The following MYRF variants were observed in gnomAD, a reference collection of about 807,000 sequenced individuals.
MYRF encodes myelin regulatory factor.
MYRF carries 16 observed loss-of-function variants against 126.3 expected under a neutral mutation model. The ratio of observed to expected loss-of-function variants is 0.13; its 90% CI spans 0.09 to 0.19. The LOEUF (loss-of-function observed/expected upper bound fraction) is 0.19. Ranked by LOEUF, MYRF falls within the 10% of genes least tolerant of loss-of-function variation. The pLI is 1.00. For synonymous variants in MYRF, 608 were observed against 635.3 expected (o/e 0.96, Z 0.65); for missense variants, 1,104 against 1,547.0 (o/e 0.71, Z 4.80).
At chr11:61,771,775 G>A (rs776195112) in intron 6 of MYRF, 25 bp downstream of exon 6, 1 of 1,612,974 alleles carries the variant, frequency 6.2e-7, no homozygotes, top group Non-Finnish European at 8.5e-7. Context: ...AACTCTTCAA[G>A]GTGGGGTGTG....
rs576057213 is a variant in MYRF, at chr11:61,771,665, G to A, written c.906G>A (p.Pro302=). ...APSPPWPPQG[P]LSPGPGSLPL... is the part of the protein sequence containing the mutation. ...CGCCACCCTGGCCTCCCCAGGGTCC[G>A]CTCTCCCCGGGCCCTGGTTCCTTGC... Residue 302 remains proline (P), a synonymous_variant, in exon 6 of 27, where the codon CCG becomes CCA. Transcript: ENST00000278836. 9.3e-6 allele frequency: 15 copies of A among 1,613,802 alleles called. No homozygotes were observed. The highest frequency in any genetic ancestry group is 3.3e-4 in the Middle Eastern group (2 of 6,062).
At position 61,786,383 on chromosome 11, in the gene MYRF, C is replaced by T. The variant is rs1420774205; in HGVS notation, c.*240C>T. ...TTCTTGGGCCTTCCTGCCTGCCACC[C>T]CCTAGGGGCCAGGACAGGACCAGTT... On this transcript the variant is annotated 3_prime_UTR_variant, in exon 27 of 27. Coordinates refer to ENST00000278836, the MANE Select transcript of MYRF (RefSeq NM_001127392.3). This position sits in a 1 kb window ranked among gnomAD's most constrained non-coding sequence, Gnocchi z 4.5. 5.2e-6 allele frequency: 3 copies of T among 573,056 alleles called. No homozygotes were observed. The highest frequency in any genetic ancestry group is 6.0e-5 in the Admixed American group (2 of 33,076). The allele number at this position is 573,056 out of a possible 1,614,324, so 35.5% of individuals were successfully genotyped here.
chr11:61,768,105 G>C (rs1184043754), intron 3 of MYRF, among the ~76,000 whole-genome samples: 1 of 146,470 alleles, frequency 6.8e-6, no homozygotes, highest in Non-Finnish European at 1.5e-5. Context: ...GTGACAGAGC[G>C]AGACTCTGTC....
rs2135873929 is a variant in MYRF, at chr11:61,781,313, C to T, written c.2748C>T (p.Pro916=). 6.2e-7 allele frequency: 1 copy of T among 1,614,062 alleles called. No individual in the cohort carries two copies. The highest frequency in any genetic ancestry group is 2.2e-5 in the East Asian group (1 of 44,886). Residue 916 remains proline (P), a synonymous_variant, in exon 21 of 27, where the codon CCC becomes CCT. Coordinates refer to ENST00000278836, the MANE Select transcript of MYRF (RefSeq NM_001127392.3). Reference sequence around the variant, plus strand: ...ATGTTCTCAGCCCAAGTCCCAGCCCCAGCACCAACCGCTCAGGTAAGGCTT... The same window carrying T: ...ATGTTCTCAGCCCAAGTCCCAGCCCTAGCACCAACCGCTCAGGTAAGGCTT... ...PGHVLSPSPS[P]STNRSGPSQM...
At chr11:61,775,140 C>T (rs573957238) in intron 8 of MYRF, among the ~76,000 whole-genome samples, 1 of 152,290 alleles carries the variant, frequency 6.6e-6, no homozygotes, top group African/African-American at 2.4e-5. Context: ...CCTTCCTTGT[C>T]GGAATGTCCA....
intron 1 of MYRF, among the ~76,000 whole-genome samples, chr11:61,764,289 T>C (rs2065989033): frequency 6.6e-6 from 1 of 152,166 alleles, no homozygotes; most frequent in South Asian, 2.1e-4. Flanking sequence ...ACCCCAGGGC[T>C]CTGGGGCTGG....
chr11:61,779,176 C>A, intron 14 of MYRF, 87 bp from the exon 15 acceptor site: 1 of 1,400,558 alleles, frequency 7.1e-7, no homozygotes, highest in Non-Finnish European at 9.5e-7. Flanking sequence ...GCCCCTCCTG[C>A]CCCCTGATGT....
At chr11:61,772,729 C>CA (rs1367990617) in intron 7 of MYRF, among the ~76,000 whole-genome samples, 1 of 152,240 alleles carries the variant, frequency 6.6e-6, no homozygotes. Flanking sequence ...CCCCAGGCCC[C>CA]AAGGCCAGGA....
At chr11:61,772,889 T>G (rs956938102) in intron 7 of MYRF, among the ~76,000 whole-genome samples, 4 of 152,136 alleles carry the variant, frequency 2.6e-5, no homozygotes, top group African/African-American at 9.7e-5. Context: ...TCCCACAAGT[T>G]TGGAAGCATT....
chr11:61,770,595 G>A (rs2066192069), intron 5 of MYRF, 70 bp downstream of exon 5: 16 of 1,444,352 alleles, frequency 1.1e-5, no homozygotes, highest in African/African-American at 2.8e-5. Context: ...GCAGGGCGGC[G>A]GGCAGGCCAG....
In MYRF at chr11:61,776,678, T is replaced by A; in HGVS notation, c.1500-109T>A. Reference sequence around the variant, plus strand: ...TTCTGCCCCCTGGTGGAGGCTCGGGTTCCTCCTCTGTAGGAGGGGGTGAGA... The same window carrying A: ...TTCTGCCCCCTGGTGGAGGCTCGGGATCCTCCTCTGTAGGAGGGGGTGAGA... On this transcript the variant is annotated intron_variant, in intron 10 of 26. Transcript: ENST00000278836. This position sits in a 1 kb window ranked among gnomAD's most constrained non-coding sequence, Gnocchi z 4.3. 1.1e-6 allele frequency: 1 copy of A among 922,856 alleles called. No individual in the cohort carries two copies. The highest frequency in any genetic ancestry group is 2.7e-5 in the East Asian group (1 of 37,604). 57.2% of individuals were successfully genotyped at this position (922,856 alleles called of 1,614,324 possible).
At chr11:61,761,656 C>T (rs1019803126) in intron 1 of MYRF, among the ~76,000 whole-genome samples, 6 of 152,246 alleles carry the variant, frequency 3.9e-5, no homozygotes, top group South Asian at 2.1e-4. Context: ...TCATCCACTC[C>T]GTGAACATTT....
chr11:61,772,831 G>A (rs1031692031), intron 7 of MYRF, among the ~76,000 whole-genome samples: 1 of 152,210 alleles, frequency 6.6e-6, no homozygotes, highest in East Asian at 1.9e-4. Flanking sequence ...GAGGGAAGAG[G>A]TGGTGAGCCC....
intron 7 of MYRF, among the ~76,000 whole-genome samples, chr11:61,773,587 G>T (rs1454042850): frequency 1.3e-5 from 2 of 152,156 alleles, no homozygotes; most frequent in African/African-American, 4.8e-5. Flanking sequence ...AGTCCCTCTC[G>T]GGTGAGTGAG....
At chr11:61,765,811 G>A in intron 2 of MYRF, 99 bp downstream of exon 2, 4 of 1,424,208 alleles carry the variant, frequency 2.8e-6, no homozygotes, top group South Asian at 1.3e-5. Flanking sequence ...GGGGTCTGCT[G>A]TGGTCCCACC....
At chr11:61,785,270 C>G (rs1286996877) in intron 25 of MYRF, 1 of 158,186 alleles carries the variant, frequency 6.3e-6, no homozygotes, top group East Asian at 1.8e-4. Flanking sequence ...GGCCTGAAAC[C>G]ACATCACAGA....
intron 1 of MYRF, among the ~76,000 whole-genome samples, chr11:61,753,439 T>C (rs1005261517): frequency 6.6e-6 from 1 of 151,896 alleles, no homozygotes; most frequent in Non-Finnish European, 1.5e-5. Flanking sequence ...TGCTCTCCTG[T>C]TTGGGGCTGG....
At chr11:61,760,962 T>C (rs1295558192) in intron 1 of MYRF, among the ~76,000 whole-genome samples, 1 of 152,100 alleles carries the variant, frequency 6.6e-6, no homozygotes, top group East Asian at 1.9e-4. Context: ...GTTCAGATGC[T>C]CTGAGAGGAC....
Position 61,778,775 on chromosome 11 carries a change from A to G in MYRF, c.2013+286A>G. On this transcript the variant is annotated intron_variant, in intron 14 of 26. Transcript: ENST00000278836. This position sits in a 1 kb window ranked among gnomAD's most constrained non-coding sequence, Gnocchi z 4.6. ...CCCGGTAAAATGAGGGCGGTAATAG[A>G]ACTGCACAGACATCCTCGTATGGTT... The G allele has an allele frequency of 1.7e-6, 1 of 597,058 alleles. No individual in the cohort carries two copies. The highest frequency in any genetic ancestry group is 3.1e-6 in the Non-Finnish European group (1 of 317,882). The allele number at this position is 597,058 out of a possible 1,614,324, so 37.0% of individuals were successfully genotyped here.
Sources: allele counts gnomAD v4.1 joint callset (sites outside exome capture counted in the v4.1 genomes callset), GRCh38; gene constraint gnomAD v4.1.1; non-coding constraint Gnocchi (gnomAD v3.1); transcripts MANE v1.5; gene names NCBI Gene and HGNC (gene_info 2026-07-23, HGNC 2026-07-21).